The following RBPMS variants were observed in gnomAD, a reference collection of about 807,000 sequenced individuals.
RBPMS encodes RNA-binding protein with multiple splicing.
A neutral mutation model predicts 26.8 loss-of-function variants in RBPMS; 7 were observed. The ratio of observed to expected loss-of-function variants is 0.26; its 90% confidence interval spans 0.15 to 0.49. The LOEUF (loss-of-function observed/expected upper bound fraction) is 0.49, where lower values mean the gene tolerates loss of function less well. RBPMS is among the 20% of genes least tolerant of loss of function. RBPMS has a pLI of 0.98. For missense variants in RBPMS, 186 were observed against 250.0 expected (o/e 0.74, Z 1.73); for synonymous variants, 96 against 93.3 (o/e 1.03, Z -0.17).
chr8:30,507,673 T>G (rs1821206163), intron 5 of RBPMS, among the ~76,000 whole-genome samples: 3 of 152,192 alleles, frequency 2.0e-5, no homozygotes, highest in Admixed American at 2.0e-4. Context: ...AAGCGGGAGT[T>G]AAGAGATGAG....
intron 5 of RBPMS, among the ~76,000 whole-genome samples, chr8:30,537,898 C>T (rs1028211989): frequency 6.6e-6 from 1 of 152,158 alleles, no homozygotes; most frequent in African/African-American, 2.4e-5. Flanking sequence ...ATGGAGGCTT[C>T]TAGCCTGAGT....
intron 5 of RBPMS, among the ~76,000 whole-genome samples, chr8:30,506,336 T>TAAAAAAAAA (rs34344286): frequency 7.6e-6 from 1 of 132,132 alleles, no homozygotes; most frequent in Non-Finnish European, 1.6e-5. Flanking sequence ...ATTTGAAGTT[T>TAAAAAAAAA]AAAAAAAAAA....
At chr8:30,494,241 C>A (rs1158524141) in intron 4 of RBPMS, among the ~76,000 whole-genome samples, 1 of 152,218 alleles carries the variant, frequency 6.6e-6, no homozygotes, top group African/African-American at 2.4e-5. Context: ...TGTCCTGCTG[C>A]TTTCTCCCAA....
rs192349156 is a variant in RBPMS, at chr8:30,515,242, G to A, written c.397+10806G>A. On this transcript the variant is annotated intron_variant, in intron 5 of 8. Transcript: ENST00000397323. ...CTGCCTTAGCCTCCCAAAGTGCTGG[G>A]ATAGCAGGTGTGAGCCACCACACCA... Among the ~76,000 whole-genome samples the A allele has an allele frequency of 3.3e-5, 5 of 152,218 alleles. No individual in the cohort carries two copies. The East Asian group carries it at 9.7e-4, about 29-fold the overall frequency.
intron 5 of RBPMS, among the ~76,000 whole-genome samples, chr8:30,515,718 C>A (rs1378387960): frequency 1.3e-5 from 2 of 152,080 alleles, no homozygotes; most frequent in African/African-American, 4.8e-5. Context: ...TGCAGTGATG[C>A]CATCACAGCT....
chr8:30,530,460 C>T lies in RBPMS; in HGVS notation c.398-14034C>T, dbSNP rs866793124. Among the ~76,000 whole-genome samples, 35 of 152,206 alleles carry T rather than the reference C, an allele frequency of 2.3e-4. No individual in the cohort carries two copies. The Middle Eastern group carries it at 0.014, about 59-fold the overall frequency. ...TATGTGTTCTGTCATGGGAAGTTTT[C>T]TTTTTTTCTTTTCTTTTTTGAGATG... On this transcript the variant is annotated intron_variant, in intron 5 of 8. Coordinates refer to ENST00000397323, the MANE Select transcript of RBPMS (RefSeq NM_001008710.3).
chr8:30,552,928 C>T (rs1357312424), intron 6 of RBPMS: 3 of 152,288 alleles, frequency 2.0e-5, no homozygotes, highest in African/African-American at 7.2e-5. Context: ...ACCTCAGTAG[C>T]ACCTGCCATC....
At chr8:30,496,327 C>G (rs1441041243) in intron 4 of RBPMS, among the ~76,000 whole-genome samples, 1 of 152,114 alleles carries the variant, frequency 6.6e-6, no homozygotes, top group African/African-American at 2.4e-5. Flanking sequence ...CGCCACCACG[C>G]CCGGCTAATT....
At chr8:30,559,974 A>G (rs986041442) in intron 7 of RBPMS, among the ~76,000 whole-genome samples, 8 of 152,198 alleles carry the variant, frequency 5.3e-5, no homozygotes, top group Admixed American at 5.2e-4. Flanking sequence ...AGCCATTTAG[A>G]TAGACTCTTC....
chr8:30,519,616 T>A (rs1250576744), intron 5 of RBPMS, among the ~76,000 whole-genome samples: 1 of 151,818 alleles, frequency 6.6e-6, no homozygotes, highest in Non-Finnish European at 1.5e-5. Flanking sequence ...CCTGAGTAAC[T>A]GGGACTATAG....
chr8:30,386,342 T>C (rs1435801382), intron 1 of RBPMS, among the ~76,000 whole-genome samples: 1 of 152,168 alleles, frequency 6.6e-6, no homozygotes, highest in East Asian at 1.9e-4. Flanking sequence ...TGGAAAATGG[T>C]AACTATTTAG....
chr8:30,415,899 A>G (rs972903165), intron 1 of RBPMS, among the ~76,000 whole-genome samples: 4 of 152,184 alleles, frequency 2.6e-5, no homozygotes, highest in Admixed American at 6.5e-5. Context: ...AAGTTGGTCA[A>G]TTTGTTTTTG....
At chr8:30,445,672 A>ATATATATATATATATG (rs1162798264) in intron 1 of RBPMS, among the ~76,000 whole-genome samples, 3 of 135,942 alleles carry the variant, frequency 2.2e-5, no homozygotes, top group Non-Finnish European at 4.8e-5. Flanking sequence ...ATATATATAT[A>ATATATATATATATATG]TATGTATTTT....
intron 6 of RBPMS, chr8:30,549,662 A>G: frequency 9.3e-7 from 1 of 1,079,952 alleles, no homozygotes; most frequent in Admixed American, 1.7e-5. Context: ...TCATGCTCAC[A>G]GCGCCAGCCT....
At chr8:30,513,936 C>T (rs1822011837) in intron 5 of RBPMS, among the ~76,000 whole-genome samples, 1 of 152,182 alleles carries the variant, frequency 6.6e-6, no homozygotes, top group Admixed American at 6.5e-5. Flanking sequence ...GGTCCACGCA[C>T]CCCTGGTTGG....
At chr8:30,512,098 C>G (rs924587229) in intron 5 of RBPMS, among the ~76,000 whole-genome samples, 8 of 152,056 alleles carry the variant, frequency 5.3e-5, no homozygotes, top group African/African-American at 1.9e-4. Context: ...GAAGATTGGG[C>G]CTTGCTATGT....
chr8:30,546,938 T>G (rs1825913533), intron 6 of RBPMS, among the ~76,000 whole-genome samples: 1 of 152,210 alleles, frequency 6.6e-6, no homozygotes, highest in Non-Finnish European at 1.5e-5. Context: ...CCTGGCTCTT[T>G]CCACTCCGAG....
intron 5 of RBPMS, among the ~76,000 whole-genome samples, chr8:30,538,677 A>T (rs1395914745): frequency 6.6e-6 from 1 of 152,194 alleles, no homozygotes; most frequent in Non-Finnish European, 1.5e-5. Context: ...GCCACAACAG[A>T]TTACCAGAAA....
intron 5 of RBPMS, among the ~76,000 whole-genome samples, chr8:30,513,953 A>C (rs1822014064): frequency 6.6e-6 from 1 of 152,186 alleles, no homozygotes; most frequent in Non-Finnish European, 1.5e-5. Flanking sequence ...TTGGTCTCTG[A>C]GATTCCTTAA....
Sources: gnomAD v4.1 joint callset for allele counts (sites outside exome capture counted in the v4.1 genomes callset) on GRCh38, gnomAD v4.1.1 for gene constraint, MANE v1.5 for transcripts, NCBI Gene and HGNC (gene_info 2026-07-23, HGNC 2026-07-21) for gene names.